STOM: variants seen among roughly 807,000 people sequenced by gnomAD.
STOM encodes the protein stomatin.
In STOM, 25 loss-of-function variants were observed where a neutral mutation model predicts 30.6. The observed-to-expected ratio is 0.82, with a 90% confidence interval of 0.60 to 1.14. STOM has a LOEUF of 1.14. Ranked by LOEUF, STOM falls within the 50% of genes most tolerant of loss-of-function variation. STOM has a pLI of 0.00. For missense variants in STOM, 292 were observed against 365.2 expected, an observed-to-expected ratio of 0.80 and a Z score of 1.63; for synonymous variants, 118 against 130.8, an observed-to-expected ratio of 0.90 and a Z score of 0.67.
At chr9:121,357,444 T>TATATATATATATATATATATATATA (rs2064405020) in intron 1 of STOM, among the ~76,000 whole-genome samples, 1 of 143,554 alleles carries the variant, frequency 7.0e-6, no homozygotes, top group Non-Finnish European at 1.5e-5. Flanking sequence ...TATATATTTA[T>TATATATATATATATATATATATATA]TTATTTATTT....
intron 5 of STOM, among the ~76,000 whole-genome samples, chr9:121,348,478 A>C (rs1279454969): frequency 6.6e-6 from 1 of 152,244 alleles, no homozygotes; most frequent in Non-Finnish European, 1.5e-5. Context: ...GCTATACTCC[A>C]GTCAAACTTT....
intron 1 of STOM, among the ~76,000 whole-genome samples, chr9:121,357,424 GATAT>G (rs1156937416): frequency 1.3e-4 from 12 of 95,420 alleles, no homozygotes; most frequent in Admixed American, 1.3e-4. Flanking sequence ...ATTTTTAAAT[GATAT>G]ATATATATAT....
rs1388001388 is a variant in STOM at position 121,340,750 on chromosome 9, C to G, written c.*452G>C. 2.1e-6 allele frequency: 2 copies of G among 934,896 alleles called. No individual in the cohort carries two copies. The highest frequency in any genetic ancestry group is 2.5e-6 in the Non-Finnish European group (2 of 792,090). The allele number at this position is 934,896 out of a possible 1,614,324, so 57.9% of individuals were successfully genotyped here. A position where few individuals can be genotyped will look rare whatever the true frequency, so the allele number is the denominator to read the frequency against. On this transcript the variant is annotated 3_prime_UTR_variant, in exon 7 of 7. Transcript: ENST00000286713. Reference sequence around the variant, plus strand: ...GGGCAACAAGAGTGAAACTCCATCTCAGAAAAAAAAAAAAAAAGACTCTCT... The same window carrying G: ...GGGCAACAAGAGTGAAACTCCATCTGAGAAAAAAAAAAAAAAAGACTCTCT...
At chr9:121,368,590 AG>A (rs1219560876) in intron 1 of STOM, among the ~76,000 whole-genome samples, 1 of 152,212 alleles carries the variant, frequency 6.6e-6, no homozygotes, top group Non-Finnish European at 1.5e-5. Context: ...TATGGGGATA[AG>A]AATACCTACC....
intron 6 of STOM, among the ~76,000 whole-genome samples, chr9:121,344,401 C>A (rs1037812635): frequency 6.6e-6 from 1 of 152,158 alleles, no homozygotes; most frequent in African/African-American, 2.4e-5. Context: ...TTCCCACCAC[C>A]AATCAATACA....
At chr9:121,358,880 C>T (rs146945467) in intron 1 of STOM, among the ~76,000 whole-genome samples, 1 of 152,130 alleles carries the variant, frequency 6.6e-6, no homozygotes, top group Non-Finnish European at 1.5e-5. Flanking sequence ...TCTCTCAGAG[C>T]CTTGTGTGGA....
chr9:121,360,318 TG>T (rs1589296594), intron 1 of STOM, among the ~76,000 whole-genome samples: 1 of 152,196 alleles, frequency 6.6e-6, no homozygotes, highest in East Asian at 1.9e-4. Flanking sequence ...GACCTTCCAA[TG>T]TAGGATTTTA....
intron 1 of STOM, 28 bp downstream of exon 1, chr9:121,370,099 G>C (rs1049778559): frequency 1.9e-5 from 29 of 1,531,830 alleles, no homozygotes; most frequent in Admixed American, 3.9e-5. Context: ...TCGGTCCACG[G>C]GGGAGGGTCA....
intron 1 of STOM, among the ~76,000 whole-genome samples, chr9:121,368,411 G>T (rs2064525897): frequency 6.6e-6 from 1 of 152,174 alleles, no homozygotes; most frequent in Non-Finnish European, 1.5e-5. Context: ...AGGAATGCAT[G>T]CTAATACCCA....
intron 4 of STOM, among the ~76,000 whole-genome samples, 171 bp from the exon 5 acceptor site, chr9:121,349,494 T>C (rs2064319956): frequency 1.3e-5 from 2 of 152,226 alleles, no homozygotes; most frequent in Non-Finnish European, 2.9e-5. Flanking sequence ...TTCAAGTCCA[T>C]TAATTCATTC....
intron 6 of STOM, among the ~76,000 whole-genome samples, chr9:121,346,065 A>T (rs1039808856): frequency 5.3e-5 from 8 of 152,066 alleles, no homozygotes; most frequent in Non-Finnish European, 1.5e-5. Flanking sequence ...ATCTCAGCTC[A>T]CTGCAACCTC....
chr9:121,364,675 T>C (rs941997936), intron 1 of STOM, among the ~76,000 whole-genome samples: 1 of 152,202 alleles, frequency 6.6e-6, no homozygotes, highest in Non-Finnish European at 1.5e-5. Flanking sequence ...ATTTCCTAAA[T>C]ATTTTAAGGA....
At chr9:121,343,136 C>A (rs1336685445) in intron 6 of STOM, among the ~76,000 whole-genome samples, 2 of 152,104 alleles carry the variant, frequency 1.3e-5, no homozygotes, top group Admixed American at 6.5e-5. Flanking sequence ...TGCTTTAATG[C>A]ACAAAAGATT....
chr9:121,356,369 C>T (rs931631184), intron 1 of STOM, among the ~76,000 whole-genome samples: 25 of 152,208 alleles, frequency 1.6e-4, no homozygotes, highest in Non-Finnish European at 3.2e-4. Context: ...TTCCACATTA[C>T]TCATTACTTT....
At chr9:121,350,064 C>T (rs1020696548) in intron 4 of STOM, among the ~76,000 whole-genome samples, 7 of 152,150 alleles carry the variant, frequency 4.6e-5, no homozygotes, top group Non-Finnish European at 5.9e-5. Flanking sequence ...GTTCCTGGCA[C>T]GTAAGAGCTG....
chr9:121,351,998 T>C (rs183298154), intron 4 of STOM, among the ~76,000 whole-genome samples: 254 of 152,300 alleles, frequency 1.7e-3, no homozygotes, highest in Middle Eastern at 3.4e-3. Flanking sequence ...AAGAGAAATG[T>C]GGTAGTAAAA....
chr9:121,361,350 T>C (rs1589297120), intron 1 of STOM, among the ~76,000 whole-genome samples: 2 of 148,534 alleles, frequency 1.3e-5, no homozygotes, highest in South Asian at 4.2e-4. Flanking sequence ...AAGGGACAAA[T>C]AGTGATATTT....
In STOM at chr9:121,340,520, T is replaced by C. The variant is rs2064236137; in HGVS notation, c.*682A>G. ...GGGAGGCAGAGGTGGGTGGATCACCTGAGGTTAGGAGTTCGTGACTAGCCT... is the reference window on the plus strand; with the variant it reads ...GGGAGGCAGAGGTGGGTGGATCACCCGAGGTTAGGAGTTCGTGACTAGCCT... On this transcript the variant is annotated 3_prime_UTR_variant, in exon 7 of 7. Transcript: ENST00000286713. 3.3e-6 allele frequency: 3 copies of C among 899,300 alleles called. No homozygotes were observed. The highest frequency in any genetic ancestry group is 5.1e-5 in the South Asian group (1 of 19,556). 55.7% of individuals were successfully genotyped at this position (899,300 alleles called of 1,614,324 possible).
At chr9:121,361,252 C>G (rs1472349774) in intron 1 of STOM, among the ~76,000 whole-genome samples, 1 of 152,134 alleles carries the variant, frequency 6.6e-6, no homozygotes, top group Non-Finnish European at 1.5e-5. Flanking sequence ...AAGAAATTCT[C>G]ACTCACTAAA....
Sources: gnomAD v4.1 joint callset for allele counts (sites outside exome capture counted in the v4.1 genomes callset) on GRCh38, gnomAD v4.1.1 for gene constraint, MANE v1.5 for transcripts, NCBI Gene and HGNC (gene_info 2026-07-23, HGNC 2026-07-21) for gene names.